Variants in CYSTM1 observed in about 807,000 individuals in gnomAD.
CYSTM1 encodes cysteine rich transmembrane module containing 1.
In CYSTM1, 4 loss-of-function variants were observed where a neutral mutation model predicts 13.1. The observed-to-expected ratio is 0.31, with a 90% CI of 0.15 to 0.70. The LOEUF (loss-of-function observed/expected upper bound fraction) is 0.70, where lower values mean the gene tolerates loss of function less well. Ranked by LOEUF, CYSTM1 falls within the 30% of genes least tolerant of loss-of-function variation. CYSTM1 has a pLI of 0.72. For missense variants in CYSTM1, 96 were observed against 121.6 expected (o/e 0.79, Z 0.99); for synonymous variants, 36 against 42.7 (o/e 0.84, Z 0.62).
At chr5:140,222,915 G>A (rs940314660) in intron 2 of CYSTM1, among the ~76,000 whole-genome samples, 19 of 152,092 alleles carry the variant, frequency 1.2e-4, no homozygotes, top group Admixed American at 1.0e-3. Context: ...AAAACATCAC[G>A]GGCATACAGA....
At chr5:140,211,877 G>A (rs1764371952) in intron 2 of CYSTM1, among the ~76,000 whole-genome samples, 1 of 152,190 alleles carries the variant, frequency 6.6e-6, no homozygotes, top group African/African-American at 2.4e-5. Context: ...GACCTGGGAG[G>A]CAGAGGTTGC....
intron 2 of CYSTM1, among the ~76,000 whole-genome samples, chr5:140,227,158 TC>T (rs1488484751): frequency 1.3e-5 from 2 of 152,082 alleles, no homozygotes; most frequent in Non-Finnish European, 2.9e-5. Flanking sequence ...GATGCCGTCT[TC>T]CCCAGAACCT....
chr5:140,183,206 A>G (rs10055020), intron 1 of CYSTM1, among the ~76,000 whole-genome samples: 8,809 of 152,190 alleles, frequency 0.058, 259 homozygotes, highest in Middle Eastern at 0.12. Context: ...GTTGGGAGGG[A>G]TGGACCTGTC....
At chr5:140,185,443 A>G (rs10038443) in intron 1 of CYSTM1, among the ~76,000 whole-genome samples, 35,148 of 152,138 alleles carry the variant, frequency 0.23, 4,088 homozygotes, top group African/African-American at 0.25. Flanking sequence ...TATTGAATGA[A>G]GTAGGGGATG....
chr5:140,181,108 C>T (rs1006297738), intron 1 of CYSTM1, among the ~76,000 whole-genome samples: 9 of 152,178 alleles, frequency 5.9e-5, no homozygotes, highest in Admixed American at 2.6e-4. Flanking sequence ...ACTTCTGCCA[C>T]GTTAAACGTT....
At position 140,190,798 on chromosome 5, in the gene CYSTM1, G is replaced by A. The variant is rs193236641; in HGVS notation, c.-20-3648G>A. On this transcript the variant is annotated intron_variant, in intron 1 of 2. Transcript: ENST00000261811. The stretch of plus-strand genomic sequence containing the variant: ...TGCAGTCTATTAATGGATCTTGACT[G>A]CAGCACTATTTTAGCTGTCCCTTTT... Among the ~76,000 whole-genome samples, 12 of 152,262 alleles carry A rather than the reference G, an allele frequency of 7.9e-5. No individual in the cohort carries two copies. The East Asian group carries it at 2.1e-3, about 27-fold the overall frequency.
intron 1 of CYSTM1, among the ~76,000 whole-genome samples, chr5:140,185,017 T>C (rs1764000388): frequency 1.3e-5 from 2 of 152,260 alleles, no homozygotes; most frequent in South Asian, 4.1e-4. Context: ...TATCTTAATG[T>C]TGGGGATAGC....
chr5:140,213,388 C>G (rs1189493941), intron 2 of CYSTM1, among the ~76,000 whole-genome samples: 1 of 151,978 alleles, frequency 6.6e-6, no homozygotes, highest in Admixed American at 6.5e-5. Flanking sequence ...GGTAAAGAGT[C>G]AAAAAGTTTA....
At chr5:140,238,206 A>G (rs1212270338) in intron 2 of CYSTM1, among the ~76,000 whole-genome samples, 1 of 152,138 alleles carries the variant, frequency 6.6e-6, no homozygotes, top group Non-Finnish European at 1.5e-5. Context: ...GAGGCTCGGG[A>G]GGCCCAGGGA....
intron 2 of CYSTM1, among the ~76,000 whole-genome samples, chr5:140,226,586 TTA>T (rs549334525): frequency 0.14 from 10,238 of 75,208 alleles, 989 homozygotes; most frequent in Non-Finnish European, 0.19. Context: ...ATACTAAATA[TTA>T]TATATATATA....
intron 2 of CYSTM1, among the ~76,000 whole-genome samples, chr5:140,225,385 A>G (rs984767709): frequency 6.6e-6 from 1 of 151,966 alleles, no homozygotes; most frequent in South Asian, 2.1e-4. Flanking sequence ...AGTGGGAGGG[A>G]GTTGGGGAAG....
At chr5:140,222,997 G>A (rs1764509057) in intron 2 of CYSTM1, among the ~76,000 whole-genome samples, 1 of 152,202 alleles carries the variant, frequency 6.6e-6, no homozygotes, top group Non-Finnish European at 1.5e-5. Flanking sequence ...CCTGTAGTCT[G>A]CCTTTTTCAT....
In CYSTM1 at chr5:140,230,897, G is replaced by A. The variant is rs764779642; in HGVS notation, c.188-12408G>A. Among the ~76,000 whole-genome samples the A allele has an allele frequency of 3.3e-5, 5 of 152,282 alleles. No homozygotes were observed. The highest frequency in any genetic ancestry group is 2.1e-4 in the South Asian group (1 of 4,828). The stretch of plus-strand genomic sequence containing the variant: ...ATGTGTACCCTCCTTCCACCAGCAC[G>A]TGCATAAACACATACCTCTTATTCT... On this transcript the variant is annotated intron_variant, in intron 2 of 2. Coordinates refer to ENST00000261811, the MANE Select transcript of CYSTM1 (RefSeq NM_032412.4). This position sits in a 1 kb window ranked among gnomAD's most constrained non-coding sequence, Gnocchi z 4.1.
At position 140,243,521 on chromosome 5, in the gene CYSTM1, C is replaced by A; in HGVS notation, c.*110C>A. The A allele has an allele frequency of 1.3e-6, 1 of 785,520 alleles. No homozygotes were observed. The highest frequency in any genetic ancestry group is 2.1e-6 in the Non-Finnish European group (1 of 486,628). The allele number at this position is 785,520 out of a possible 1,614,324, so 48.7% of individuals were successfully genotyped here. ...TAACAAATGACTAGCTTTGCACAGA[C>A]ACCTCTACCTTCAGCACTATGGGAT... On this transcript the variant is annotated 3_prime_UTR_variant, in exon 3 of 3. Transcript: ENST00000261811.
At chr5:140,185,122 G>A (rs1561808312) in intron 1 of CYSTM1, among the ~76,000 whole-genome samples, 1 of 152,226 alleles carries the variant, frequency 6.6e-6, no homozygotes, top group Admixed American at 6.5e-5. Context: ...TAAAAGCAGT[G>A]TGTGGTTTTT....
chr5:140,220,215 T>C (rs1764473909), intron 2 of CYSTM1, among the ~76,000 whole-genome samples: 1 of 152,232 alleles, frequency 6.6e-6, no homozygotes, highest in Non-Finnish European at 1.5e-5. Flanking sequence ...TAACAGTTCA[T>C]GCATTAATCA....
intron 2 of CYSTM1, among the ~76,000 whole-genome samples, chr5:140,207,670 C>T (rs1255064964): frequency 1.3e-5 from 2 of 152,150 alleles, no homozygotes; most frequent in Admixed American, 6.5e-5. Context: ...ATGGTCTGGC[C>T]CTGCTACTAG....
At chr5:140,180,496 G>A (rs1763950234) in intron 1 of CYSTM1, among the ~76,000 whole-genome samples, 1 of 152,184 alleles carries the variant, frequency 6.6e-6, no homozygotes, top group African/African-American at 2.4e-5. Flanking sequence ...CAATTAAACA[G>A]CAGTAGTATA....
At chr5:140,184,091 G>T (rs1763989779) in intron 1 of CYSTM1, among the ~76,000 whole-genome samples, 2 of 56,184 alleles carry the variant, frequency 3.6e-5, no homozygotes. Context: ...AAAAAAGTAT[G>T]TATAATGTAC....
Sources: gnomAD v4.1 joint callset for allele counts (sites outside exome capture counted in the v4.1 genomes callset) on GRCh38, gnomAD v4.1.1 for gene constraint, Gnocchi (gnomAD v3.1) non-coding constraint, MANE v1.5 for transcripts, NCBI Gene and HGNC (gene_info 2026-07-23, HGNC 2026-07-21) for gene names.